CPED1: variants seen among roughly 807,000 people sequenced by gnomAD.
The protein encoded by CPED1 is cadherin like and PC-esterase domain containing 1, also known as cadherin-like and PC-esterase domain-containing protein 1.
In CPED1, 114 loss-of-function variants were observed where a neutral mutation model predicts 128.2. That is an observed-to-expected ratio of 0.89 (90% CI 0.76 to 1.04). The LOEUF (loss-of-function observed/expected upper bound fraction) is 1.04. CPED1 is among the 50% of genes least tolerant of loss of function. The pLI is 0.00. For missense variants in CPED1, 1,211 were observed against 1,207.1 expected (o/e 1.00, Z -0.05); for synonymous variants, 462 against 426.7 (o/e 1.08, Z -1.02).
At chr7:121,288,510 T>C (rs1278848076) in intron 22 of CPED1, among the ~76,000 whole-genome samples, 2 of 152,210 alleles carry the variant, frequency 1.3e-5, no homozygotes, top group African/African-American at 4.8e-5. Context: ...CAACCTTCCA[T>C]TGAGATCTGT....
rs544188395 is a variant in CPED1 at position 121,204,196 on chromosome 7, G to A, written c.2056-32518G>A. Among the ~76,000 whole-genome samples the A allele has an allele frequency of 5.3e-5, 8 of 152,148 alleles. No individual in the cohort carries two copies. In the South Asian group the frequency reaches 1.5e-3, roughly 28 times the overall value. ...GAGAAGGGGCCACTGGTTTGATTAC[G>A]GGTTAGGTTAAAAAAAATTATATCC... is the stretch of plus-strand genomic sequence containing the variant. On this transcript the variant is annotated intron_variant, in intron 16 of 22. Transcript: ENST00000310396.
intron 16 of CPED1, among the ~76,000 whole-genome samples, chr7:121,175,873 C>T (rs770939186): frequency 2.0e-5 from 3 of 151,942 alleles, no homozygotes; most frequent in Non-Finnish European, 4.4e-5. Flanking sequence ...AGAGAAGCTC[C>T]GCAGCAGTTT....
chr7:121,278,348 G>T (rs1284765806), intron 22 of CPED1, among the ~76,000 whole-genome samples: 1 of 152,022 alleles, frequency 6.6e-6, no homozygotes, highest in African/African-American at 2.4e-5. Context: ...AACAAGGTGG[G>T]GAGGAGGGTC....
intron 16 of CPED1, among the ~76,000 whole-genome samples, chr7:121,170,749 T>A (rs1039768102): frequency 1.2e-4 from 19 of 152,130 alleles, no homozygotes; most frequent in African/African-American, 4.6e-4. Flanking sequence ...GTTTCTATCC[T>A]TTATTAAAAT....
intron 4 of CPED1, among the ~76,000 whole-genome samples, chr7:121,048,461 C>G (rs1793270384): frequency 6.6e-6 from 1 of 152,218 alleles, no homozygotes; most frequent in Admixed American, 6.5e-5. Context: ...CTTCCTTCCT[C>G]TTCCTTGGCA....
rs540335314 is a variant in CPED1, at chr7:121,004,827, A to G, written c.250-10838A>G. Among the ~76,000 whole-genome samples, 3 of 152,332 alleles carry G rather than the reference A, an allele frequency of 2.0e-5. No homozygotes were observed. The South Asian group carries it at 6.2e-4, about 32-fold the overall frequency. Reference sequence around the variant, plus strand: ...AATATCCTAATGTGTGAATTTATTTATAGAACATAACAAAGTAAAAATGAA... The same window carrying G: ...AATATCCTAATGTGTGAATTTATTTGTAGAACATAACAAAGTAAAAATGAA... On this transcript the variant is annotated intron_variant, in intron 2 of 22. Coordinates refer to ENST00000310396, the MANE Select transcript of CPED1 (RefSeq NM_024913.5).
At chr7:121,150,288 G>T (rs897641580) in intron 16 of CPED1, among the ~76,000 whole-genome samples, 2 of 151,518 alleles carry the variant, frequency 1.3e-5, no homozygotes, top group African/African-American at 4.9e-5. Context: ...ACTTATAAGT[G>T]AGAATATGTG....
At chr7:121,030,175 C>A (rs1050203821) in intron 3 of CPED1, among the ~76,000 whole-genome samples, 7 of 152,082 alleles carry the variant, frequency 4.6e-5, no homozygotes, top group Non-Finnish European at 7.4e-5. Flanking sequence ...ACGATAGACA[C>A]ACACATTTAT....
At chr7:121,155,314 C>T (rs527439340) in intron 16 of CPED1, among the ~76,000 whole-genome samples, 164 of 152,030 alleles carry the variant, frequency 1.1e-3, no homozygotes, top group African/African-American at 3.6e-3. Flanking sequence ...CAGTGCAATC[C>T]CAATTAAAAT....
chr7:121,180,164 C>T (rs1252781510), intron 16 of CPED1, among the ~76,000 whole-genome samples: 1 of 151,964 alleles, frequency 6.6e-6, no homozygotes, highest in Non-Finnish European at 1.5e-5. Flanking sequence ...GACAAATTCC[C>T]AACACTTGGG....
intron 18 of CPED1, among the ~76,000 whole-genome samples, chr7:121,252,716 C>T (rs1390367000): frequency 1.3e-5 from 2 of 152,124 alleles, no homozygotes; most frequent in Admixed American, 6.5e-5. Flanking sequence ...CGAAAAAATG[C>T]TCATCATCAC....
intron 16 of CPED1, among the ~76,000 whole-genome samples, chr7:121,154,212 AG>A (rs1796228383): frequency 6.6e-6 from 1 of 152,212 alleles, no homozygotes; most frequent in East Asian, 1.9e-4. Context: ...TCTCCATATG[AG>A]GAGTTTAACT....
intron 3 of CPED1, among the ~76,000 whole-genome samples, chr7:121,038,419 T>C (rs1366205958): frequency 1.3e-5 from 2 of 152,140 alleles, no homozygotes; most frequent in African/African-American, 4.8e-5. Flanking sequence ...GCATGTTACA[T>C]AAAAAGTAAT....
chr7:121,105,861 A>G (rs1214516593), intron 7 of CPED1, among the ~76,000 whole-genome samples: 1 of 152,140 alleles, frequency 6.6e-6, no homozygotes, highest in Non-Finnish European at 1.5e-5. Flanking sequence ...AAGATTTGTC[A>G]AGTCATTTTG....
intron 16 of CPED1, among the ~76,000 whole-genome samples, chr7:121,216,264 C>A (rs2116608760): frequency 7.8e-6 from 1 of 128,552 alleles, no homozygotes; most frequent in East Asian, 2.0e-4. Context: ...TGGCTTCCAT[C>A]TCTGGTCCAA....
At chr7:121,010,695 C>G (rs1025622069) in intron 2 of CPED1, among the ~76,000 whole-genome samples, 1 of 152,162 alleles carries the variant, frequency 6.6e-6, no homozygotes, top group Non-Finnish European at 1.5e-5. Context: ...TCAGAAGATG[C>G]TCAGTGATCT....
intron 16 of CPED1, among the ~76,000 whole-genome samples, chr7:121,160,037 T>C (rs1796378793): frequency 6.6e-6 from 1 of 152,180 alleles, no homozygotes; most frequent in Non-Finnish European, 1.5e-5. Context: ...TTTGAAATAA[T>C]ATTGAACTTG....
chr7:121,266,652 A>G, intron 19 of CPED1, 55 bp from the exon 20 acceptor site: 1 of 1,375,138 alleles, frequency 7.3e-7, no homozygotes, highest in Non-Finnish European at 1.0e-6. Flanking sequence ...GTGCAGTTAC[A>G]ATGTTTACCT....
intron 3 of CPED1, among the ~76,000 whole-genome samples, chr7:121,025,914 C>A (rs1792567737): frequency 6.6e-6 from 1 of 152,132 alleles, no homozygotes. Flanking sequence ...GTGTGTCCTA[C>A]CGCCTCAACA....
Sources: gnomAD v4.1 joint callset for allele counts (sites outside exome capture counted in the v4.1 genomes callset) on GRCh38, gnomAD v4.1.1 for gene constraint, MANE v1.5 for transcripts, NCBI Gene and HGNC (gene_info 2026-07-23, HGNC 2026-07-21) for gene names.